Variants in PLXNA4 observed in about 807,000 individuals in gnomAD.
PLXNA4 encodes plexin A4.
PLXNA4 carries 44 observed loss-of-function variants against 191.8 expected under a neutral mutation model. That is an observed-to-expected ratio of 0.23 (90% CI 0.18 to 0.29). The LOEUF is 0.29. Among genes scored for constraint, PLXNA4 ranks in the 10% least tolerant of loss-of-function variants. The pLI is 1.00. For missense variants in PLXNA4, 1,800 were observed against 2,488.8 expected, an observed-to-expected ratio of 0.72 and a Z score of 5.89; for synonymous variants, 1,082 against 1,009.5, an observed-to-expected ratio of 1.07 and a Z score of -1.36.
At chr7:132,646,343 A>G (rs1803866566) in intron 1 of PLXNA4, among the ~76,000 whole-genome samples, 1 of 152,064 alleles carries the variant, frequency 6.6e-6, no homozygotes, top group Admixed American at 6.5e-5. Context: ...GGCTCATGGG[A>G]AGTCTCTTTT....
At chr7:132,551,723 T>A (rs1800570364) in intron 1 of PLXNA4, among the ~76,000 whole-genome samples, 1 of 152,096 alleles carries the variant, frequency 6.6e-6, no homozygotes, top group Admixed American at 6.5e-5. Flanking sequence ...TTTCAAAGGG[T>A]GTTAGTGACT....
At chr7:132,241,040 C>G (rs754221061) in intron 5 of PLXNA4, 26 bp downstream of exon 5, 1 of 1,538,326 alleles carries the variant, frequency 6.5e-7, no homozygotes, top group South Asian at 1.2e-5. Context: ...GTGGGAGGCA[C>G]GAGGCAGCCT....
intron 3 of PLXNA4, among the ~76,000 whole-genome samples, chr7:132,397,630 T>C (rs1793820365): frequency 6.6e-6 from 1 of 152,180 alleles, no homozygotes; most frequent in African/African-American, 2.4e-5. Flanking sequence ...TGGCAAAGGA[T>C]GAAGCAGCTC....
At chr7:132,550,202 C>A (rs1585318100) in intron 1 of PLXNA4, among the ~76,000 whole-genome samples, 1 of 152,096 alleles carries the variant, frequency 6.6e-6, no homozygotes, top group Non-Finnish European at 1.5e-5. Flanking sequence ...TCAGAGTACC[C>A]CTGACCCCCA....
chr7:132,327,795 C>T (rs1325159700), intron 3 of PLXNA4, among the ~76,000 whole-genome samples: 6 of 152,132 alleles, frequency 3.9e-5, no homozygotes, highest in African/African-American at 1.4e-4. Flanking sequence ...GTCCATTGTG[C>T]CCTGTGTATG....
At chr7:132,303,904 A>C (rs910378228) in intron 3 of PLXNA4, among the ~76,000 whole-genome samples, 2 of 152,178 alleles carry the variant, frequency 1.3e-5, no homozygotes, top group Non-Finnish European at 2.9e-5. Flanking sequence ...AGATCTAGCC[A>C]ACTGGAGTTT....
intron 3 of PLXNA4, among the ~76,000 whole-genome samples, chr7:132,416,201 G>A (rs1794654375): frequency 6.6e-6 from 1 of 152,182 alleles, no homozygotes; most frequent in Non-Finnish European, 1.5e-5. Flanking sequence ...CACTTTTCAG[G>A]ATAACCAGCT....
At chr7:132,501,267 G>A (rs1432328428) in intron 2 of PLXNA4, among the ~76,000 whole-genome samples, 1 of 152,176 alleles carries the variant, frequency 6.6e-6, no homozygotes, top group East Asian at 1.9e-4. Context: ...GCAACAGACA[G>A]CAACGAGGAG....
intron 4 of PLXNA4, among the ~76,000 whole-genome samples, chr7:132,257,599 A>G (rs1225889179): frequency 6.6e-6 from 1 of 152,184 alleles, no homozygotes; most frequent in East Asian, 1.9e-4. Context: ...GGGAATCTAC[A>G]TCCTGTCTTG....
intron 30 of PLXNA4, among the ~76,000 whole-genome samples, chr7:132,135,929 C>A (rs1023840273): frequency 2.6e-5 from 4 of 152,138 alleles, no homozygotes; most frequent in East Asian, 1.9e-4. Flanking sequence ...AACTGCATGA[C>A]CTCATCTTCA....
chr7:132,210,851 G>T, intron 10 of PLXNA4, 92 bp downstream of exon 10: 1 of 1,407,340 alleles, frequency 7.1e-7, no homozygotes, highest in Non-Finnish European at 9.8e-7. Context: ...GGAAACGACT[G>T]CAGGGCTGAG....
At chr7:132,172,857 A>G (rs897512685) in intron 21 of PLXNA4, among the ~76,000 whole-genome samples, 8 of 152,136 alleles carry the variant, frequency 5.3e-5, no homozygotes, top group Non-Finnish European at 1.2e-4. Context: ...AACTTTATAT[A>G]CTCATCCTCA....
intron 3 of PLXNA4, among the ~76,000 whole-genome samples, chr7:132,444,357 C>A (rs190480158): frequency 6.6e-6 from 1 of 152,232 alleles, no homozygotes; most frequent in South Asian, 2.1e-4. Flanking sequence ...TGGGTTCAAG[C>A]GATTCTCCTC....
chr7:132,572,120 A>T (rs1802008004), intron 1 of PLXNA4, among the ~76,000 whole-genome samples: 1 of 152,196 alleles, frequency 6.6e-6, no homozygotes, highest in African/African-American at 2.4e-5. Flanking sequence ...CAGTACAGTG[A>T]GCACATATAT....
At chr7:132,180,078 C>CG (rs1796656826) in intron 19 of PLXNA4, among the ~76,000 whole-genome samples, 157 bp from the exon 20 acceptor site, 1 of 152,118 alleles carries the variant, frequency 6.6e-6, no homozygotes, top group Non-Finnish European at 1.5e-5. Flanking sequence ...GGGCTGGGAG[C>CG]GGGGACAGGC....
intron 1 of PLXNA4, among the ~76,000 whole-genome samples, chr7:132,646,326 A>G (rs1358740814): frequency 3.3e-5 from 5 of 152,100 alleles, no homozygotes; most frequent in African/African-American, 1.2e-4. Context: ...TCCACTCAGA[A>G]CACCTGGGCT....
At position 132,432,201 on chromosome 7, in the gene PLXNA4, C is replaced by T. The variant is rs189557033; in HGVS notation, c.1371+57091G>A. 2.9e-3 allele frequency among the ~76,000 whole-genome samples: 438 copies of T among 152,294 alleles called. 3 individuals are homozygous for T. The highest frequency in any genetic ancestry group is 5.0e-3 in the South Asian group (24 of 4,822). On this transcript the variant is annotated intron_variant, in intron 3 of 31. Coordinates refer to ENST00000321063, the MANE Select transcript of PLXNA4 (RefSeq NM_020911.2). Reference sequence around the variant, plus strand: ...ACGGGGTACCAGAACTGGTGACGGACGACTCACCAGTCACTCGTGGCATTC... The same window carrying T: ...ACGGGGTACCAGAACTGGTGACGGATGACTCACCAGTCACTCGTGGCATTC...
chr7:132,484,660 C>A, intron 3 of PLXNA4: 2 of 1,286,684 alleles, frequency 1.6e-6, no homozygotes, highest in Non-Finnish European at 2.1e-6. Context: ...GTATCAAATA[C>A]ATATGCCCTC....
chr7:132,295,653 C>T (rs149705930), intron 4 of PLXNA4, among the ~76,000 whole-genome samples: 10 of 152,290 alleles, frequency 6.6e-5, no homozygotes, highest in African/African-American at 2.2e-4. Context: ...CGCTCTCCCC[C>T]GGGACTGGAT....
Sources: allele counts gnomAD v4.1 joint callset (sites outside exome capture counted in the v4.1 genomes callset), GRCh38; gene constraint gnomAD v4.1.1; transcripts MANE v1.5; gene names NCBI Gene and HGNC (gene_info 2026-07-23, HGNC 2026-07-21).